Variants in SH3D19 observed in about 807,000 individuals in gnomAD.
SH3D19 encodes the protein SH3 domain containing 19.
In SH3D19, 58 loss-of-function variants were observed where a neutral mutation model predicts 112.1. That is an observed-to-expected ratio of 0.52 (90% CI 0.42 to 0.64). The LOEUF (loss-of-function observed/expected upper bound fraction) is 0.64. SH3D19 is among the 30% of genes least tolerant of loss of function. SH3D19 has a pLI of 0.00. For missense variants in SH3D19, 1,090 were observed against 1,263.4 expected, an observed-to-expected ratio of 0.86 and a Z score of 2.08; for synonymous variants, 391 against 448.5, an observed-to-expected ratio of 0.87 and a Z score of 1.62.
intron 2 of SH3D19, among the ~76,000 whole-genome samples, chr4:151,188,252 A>T (rs1016408696): frequency 1.3e-5 from 2 of 152,250 alleles, no homozygotes; most frequent in Non-Finnish European, 2.9e-5. Flanking sequence ...AAGCTCTAGG[A>T]GGTCTCTGAT....
At chr4:151,175,722 G>T in intron 6 of SH3D19, 48 bp from the exon 7 acceptor site, 1 of 1,236,318 alleles carries the variant, frequency 8.1e-7, no homozygotes, top group Non-Finnish European at 1.0e-6. Context: ...AAGCCATAAC[G>T]TTAACAATGT....
At chr4:151,233,509 A>G (rs1018917463) in intron 1 of SH3D19, among the ~76,000 whole-genome samples, 15 of 151,980 alleles carry the variant, frequency 9.9e-5, no homozygotes, top group Non-Finnish European at 1.9e-4. Context: ...CTTTCCTCCA[A>G]TAGTGTAGCA....
intron 9 of SH3D19, among the ~76,000 whole-genome samples, chr4:151,158,448 C>CG (rs1756538208): frequency 6.6e-6 from 1 of 151,954 alleles, no homozygotes; most frequent in Non-Finnish European, 1.5e-5. Context: ...TACAGGCACA[C>CG]GACACCACGT....
intron 12 of SH3D19, among the ~76,000 whole-genome samples, chr4:151,142,510 GT>G (rs113391399): frequency 0.062 from 9,408 of 152,156 alleles, 457 homozygotes; most frequent in East Asian, 0.19. Flanking sequence ...TCTGTGGGCA[GT>G]TATCTCACAC....
At chr4:151,176,024 C>T (rs967603144) in intron 6 of SH3D19, among the ~76,000 whole-genome samples, 11 of 152,210 alleles carry the variant, frequency 7.2e-5, no homozygotes, top group Middle Eastern at 6.8e-3. Context: ...ACACATACCA[C>T]CACACTCAGC....
At chr4:151,242,161 G>C (rs950146084) in intron 1 of SH3D19, among the ~76,000 whole-genome samples, 2 of 152,038 alleles carry the variant, frequency 1.3e-5, no homozygotes, top group Non-Finnish European at 2.9e-5. Context: ...CTCCAGCCTG[G>C]GCAACAGAGT....
At chr4:151,281,561 C>G (rs1324951564) in intron 1 of SH3D19, among the ~76,000 whole-genome samples, 1 of 152,056 alleles carries the variant, frequency 6.6e-6, no homozygotes, top group African/African-American at 2.4e-5. Flanking sequence ...CAAGAAACAG[C>G]TATATATAGG....
At chr4:151,148,899 A>G (rs1340159434) in intron 10 of SH3D19, among the ~76,000 whole-genome samples, 2 of 151,994 alleles carry the variant, frequency 1.3e-5, no homozygotes, top group African/African-American at 4.8e-5. Context: ...TTAGCTGGGC[A>G]TGGTGGCTCA....
chr4:151,278,456 A>G (rs1315518443), intron 1 of SH3D19, among the ~76,000 whole-genome samples: 1 of 151,486 alleles, frequency 6.6e-6, no homozygotes, highest in Non-Finnish European at 1.5e-5. Flanking sequence ...AAAAGAAGAA[A>G]AAAAAAACCC....
At chr4:151,301,924 GA>G (rs1728464023) in intron 1 of SH3D19, among the ~76,000 whole-genome samples, 1 of 152,176 alleles carries the variant, frequency 6.6e-6, no homozygotes, top group African/African-American at 2.4e-5. Flanking sequence ...AGGAGTTTAT[GA>G]AGAATAACAC....
chr4:151,251,547 A>T (rs4473634), intron 1 of SH3D19, among the ~76,000 whole-genome samples: 49,887 of 151,892 alleles, frequency 0.33, 9,507 homozygotes, highest in Non-Finnish European at 0.44. Context: ...CAATTCCAAT[A>T]ATTTTCTACT....
At chr4:151,302,054 TA>T (rs759794897) in intron 1 of SH3D19, among the ~76,000 whole-genome samples, 97 of 152,278 alleles carry the variant, frequency 6.4e-4, no homozygotes, top group Non-Finnish European at 1.2e-3. Context: ...GCCCTCTGTG[TA>T]AAAAGATTAT....
At chr4:151,224,366 C>A (rs573330055) in intron 2 of SH3D19, among the ~76,000 whole-genome samples, 140 of 152,204 alleles carry the variant, frequency 9.2e-4, no homozygotes, top group Non-Finnish European at 1.5e-3. Context: ...CATTAAACTT[C>A]TTTCAGTGTA....
chr4:151,237,278 G>T (rs990941096), intron 1 of SH3D19, among the ~76,000 whole-genome samples: 2 of 152,094 alleles, frequency 1.3e-5, no homozygotes, highest in African/African-American at 2.4e-5. Flanking sequence ...CGGACATAAG[G>T]TCACAAACCT....
intron 3 of SH3D19, among the ~76,000 whole-genome samples, chr4:151,181,038 G>A (rs905899316): frequency 6.6e-6 from 1 of 151,452 alleles, no homozygotes; most frequent in Non-Finnish European, 1.5e-5. Flanking sequence ...CTCCCAAAGT[G>A]CTGGGATTAC....
rs576755674 is a variant in SH3D19, at chr4:151,255,675, C to T, written c.113-29589G>A. 1.1e-3 allele frequency among the ~76,000 whole-genome samples: 174 copies of T among 152,266 alleles called. No homozygotes were observed. In the Middle Eastern group the frequency reaches 0.024, roughly 21 times the overall value. Reference sequence around the variant, plus strand: ...CGGCACTTTGGGAGGCCAAGGCAGGCGGCTGGGAGGTGGAGGTTGTAGCCA... The same window carrying T: ...CGGCACTTTGGGAGGCCAAGGCAGGTGGCTGGGAGGTGGAGGTTGTAGCCA... On this transcript the variant is annotated intron_variant, in intron 1 of 19. Transcript: ENST00000604030.
At position 151,229,072 on chromosome 4, in the gene SH3D19, A is replaced by G. The variant is rs185030934; in HGVS notation, c.113-2986T>C. On this transcript the variant is annotated intron_variant, in intron 1 of 19. Transcript: ENST00000604030. Reference sequence around the variant, plus strand: ...TTTTTTGTAGAGACAGGGTCTCCCTATTTTGTCCAGGCTGGTCTCAAACTT... The same window carrying G: ...TTTTTTGTAGAGACAGGGTCTCCCTGTTTTGTCCAGGCTGGTCTCAAACTT... Among the ~76,000 whole-genome samples, 25 of 129,824 alleles carry G rather than the reference A, an allele frequency of 1.9e-4. No individual in the cohort carries two copies. In the East Asian group the frequency reaches 5.1e-3, roughly 26 times the overall value. The allele number at this position is 129,824 out of a possible 152,430, so 85.2% of individuals were successfully genotyped here. A position where few individuals can be genotyped will look rare whatever the true frequency, so the allele number is the denominator to read the frequency against.
At chr4:151,159,950 G>C (rs948622735) in intron 8 of SH3D19, among the ~76,000 whole-genome samples, 1 of 151,944 alleles carries the variant, frequency 6.6e-6, no homozygotes, top group Non-Finnish European at 1.5e-5. Flanking sequence ...CACTACCCAA[G>C]GTCTTATTGC....
chr4:151,239,021 A>G (rs1212616465), intron 1 of SH3D19, among the ~76,000 whole-genome samples: 1 of 152,118 alleles, frequency 6.6e-6, no homozygotes, highest in East Asian at 1.9e-4. Flanking sequence ...GTAAGTGCCC[A>G]ATTCTGATTT....
Sources: allele counts gnomAD v4.1 joint callset (sites outside exome capture counted in the v4.1 genomes callset), GRCh38; gene constraint gnomAD v4.1.1; transcripts MANE v1.5; gene names NCBI Gene and HGNC (gene_info 2026-07-23, HGNC 2026-07-21).